PLXDC2: variants seen among roughly 807,000 people sequenced by gnomAD.
PLXDC2 encodes the protein plexin domain-containing protein 2.
PLXDC2 carries 40 observed loss-of-function variants against 68.9 expected under a neutral mutation model. That is an observed-to-expected ratio of 0.58 (90% confidence interval 0.45 to 0.76). The LOEUF (loss-of-function observed/expected upper bound fraction) is 0.76. Ranked by LOEUF, PLXDC2 falls within the 30% of genes least tolerant of loss-of-function variation. The pLI is 0.00. For synonymous variants in PLXDC2, 243 were observed against 234.2 expected (o/e 1.04, Z -0.34); for missense variants, 644 against 661.9 (o/e 0.97, Z 0.30).
intron 10 of PLXDC2, among the ~76,000 whole-genome samples, chr10:20,216,798 C>T (rs533639987): frequency 6.6e-6 from 1 of 151,550 alleles, no homozygotes; most frequent in South Asian, 2.1e-4. Flanking sequence ...CACTATGTCT[C>T]ATTTCCTGAT....
intron 1 of PLXDC2, among the ~76,000 whole-genome samples, chr10:19,986,534 G>T (rs886590275): frequency 3.8e-4 from 54 of 141,674 alleles, no homozygotes; most frequent in Middle Eastern, 7.6e-3. Flanking sequence ...GATGTTGATG[G>T]CTTAAAAAAA....
At chr10:20,039,931 A>T (rs899243462) in intron 2 of PLXDC2, among the ~76,000 whole-genome samples, 4 of 152,152 alleles carry the variant, frequency 2.6e-5, no homozygotes, top group African/African-American at 9.7e-5. Context: ...TAAAACTGAG[A>T]TTATAGCGTA....
intron 2 of PLXDC2, among the ~76,000 whole-genome samples, chr10:20,032,539 C>T (rs1835516774): frequency 6.6e-6 from 1 of 151,972 alleles, no homozygotes; most frequent in South Asian, 2.1e-4. Flanking sequence ...AACGGGGAGA[C>T]CAGTGAGAGA....
At chr10:20,176,239 T>G (rs1024645325) in intron 7 of PLXDC2, among the ~76,000 whole-genome samples, 1 of 152,126 alleles carries the variant, frequency 6.6e-6, no homozygotes, top group Non-Finnish European at 1.5e-5. Flanking sequence ...TGATTTAACT[T>G]CCTTTTTTCC....
chr10:20,169,234 A>G (rs1020261143), intron 7 of PLXDC2, among the ~76,000 whole-genome samples: 3 of 152,132 alleles, frequency 2.0e-5, no homozygotes, highest in Non-Finnish European at 4.4e-5. Flanking sequence ...ATGTATTTTG[A>G]CAAATTGCTT....
chr10:20,119,691 A>C (rs1833670438), intron 4 of PLXDC2, among the ~76,000 whole-genome samples: 1 of 151,930 alleles, frequency 6.6e-6, no homozygotes, highest in Non-Finnish European at 1.5e-5. Context: ...TGGTATGGAG[A>C]GATAATGGGC....
At chr10:20,045,926 C>T (rs1835789632) in intron 2 of PLXDC2, among the ~76,000 whole-genome samples, 1 of 151,984 alleles carries the variant, frequency 6.6e-6, no homozygotes, top group South Asian at 2.1e-4. Context: ...TCAAAATTGC[C>T]TCTTAAAACA....
chr10:20,219,097 A>T lies in PLXDC2; in HGVS notation c.1307A>T (p.Asn436Ile), dbSNP rs1304829731. ...DTKIALHLKDNGASTDDSAAE... is the reference protein window; with the variant it reads ...DTKIALHLKDIGASTDDSAAE... ...AAGATAGCACTACATCTAAAAGATA[A>T]TGGAGGTAGGAATTGATACTTTTCT... The change falls in exon 12 of 14, where the codon AAT (asparagine) becomes ATT (isoleucine). Residue 436 changes from asparagine to isoleucine, a missense_variant. Asn to Ile is a moderately radical substitution (Grantham distance 149, BLOSUM62 -3). Coordinates refer to ENST00000377252, the MANE Select transcript of PLXDC2 (RefSeq NM_032812.9). 6.2e-7 allele frequency: 1 copy of T among 1,605,838 alleles called. No individual in the cohort carries two copies. Among genetic ancestry groups the T allele is most frequent in the East Asian group, 2.2e-5 (1 of 44,552 alleles).
intron 4 of PLXDC2, among the ~76,000 whole-genome samples, chr10:20,086,940 C>A (rs1833207333): frequency 6.6e-6 from 1 of 152,096 alleles, no homozygotes; most frequent in Non-Finnish European, 1.5e-5. Context: ...CTGTTGGATC[C>A]TAAATCTAAG....
At chr10:20,259,936 A>C (rs1221653928) in intron 13 of PLXDC2, among the ~76,000 whole-genome samples, 1 of 152,240 alleles carries the variant, frequency 6.6e-6, no homozygotes, top group Non-Finnish European at 1.5e-5. Flanking sequence ...ATAAATAAAA[A>C]AAGGAAGAAG....
chr10:19,975,318 C>T (rs1179001981), intron 1 of PLXDC2, among the ~76,000 whole-genome samples: 1 of 152,012 alleles, frequency 6.6e-6, no homozygotes, highest in Admixed American at 6.6e-5. Context: ...ATTAGCTGGG[C>T]ATGGTGGCAG....
At chr10:19,854,827 A>G (rs771208939) in intron 1 of PLXDC2, among the ~76,000 whole-genome samples, 19 of 152,214 alleles carry the variant, frequency 1.2e-4, no homozygotes, top group Non-Finnish European at 2.2e-4. Context: ...CTGATAGTTT[A>G]TGGAGTAGAC....
intron 13 of PLXDC2, among the ~76,000 whole-genome samples, chr10:20,270,012 C>T (rs1266838975): frequency 1.6e-5 from 2 of 128,968 alleles, no homozygotes; most frequent in East Asian, 2.2e-4. Flanking sequence ...AGACAGGCTC[C>T]ATCAAAAAAT....
intron 4 of PLXDC2, among the ~76,000 whole-genome samples, chr10:20,113,471 C>G (rs1023473122): frequency 1.3e-5 from 2 of 152,188 alleles, no homozygotes; most frequent in Non-Finnish European, 2.9e-5. Flanking sequence ...GAAAAACTCT[C>G]TAATGTGTCT....
At chr10:20,239,280 C>T (rs1461851369) in intron 12 of PLXDC2, among the ~76,000 whole-genome samples, 1 of 152,164 alleles carries the variant, frequency 6.6e-6, no homozygotes, top group East Asian at 1.9e-4. Flanking sequence ...TTCCTTCTCA[C>T]GTTTCTTTAA....
At chr10:20,123,447 G>A (rs1833727182) in intron 4 of PLXDC2, among the ~76,000 whole-genome samples, 1 of 152,154 alleles carries the variant, frequency 6.6e-6, no homozygotes, top group Admixed American at 6.5e-5. Context: ...TTTAGATCTT[G>A]TAAGATGGAA....
chr10:20,174,294 AT>A (rs1477895501), intron 7 of PLXDC2, among the ~76,000 whole-genome samples: 1 of 144,888 alleles, frequency 6.9e-6, no homozygotes, highest in Admixed American at 7.1e-5. Flanking sequence ...CCATCTTTTT[AT>A]TTGTCTTAAA....
intron 5 of PLXDC2, among the ~76,000 whole-genome samples, chr10:20,144,446 A>C (rs994513745): frequency 6.6e-6 from 1 of 152,192 alleles, no homozygotes; most frequent in Admixed American, 6.5e-5. Context: ...AACTAAACAT[A>C]GTTAGACATT....
chr10:19,932,279 T>C (rs1254557089), intron 1 of PLXDC2, among the ~76,000 whole-genome samples: 2 of 152,232 alleles, frequency 1.3e-5, no homozygotes, highest in African/African-American at 4.8e-5. Flanking sequence ...ATTTATTTTT[T>C]TCTCATCCTT....
Sources: gnomAD v4.1 joint callset for allele counts (sites outside exome capture counted in the v4.1 genomes callset) on GRCh38, gnomAD v4.1.1 for gene constraint, MANE v1.5 for transcripts, NCBI Gene and HGNC (gene_info 2026-07-23, HGNC 2026-07-21) for gene names.